The following PRIMPOL variants were observed in gnomAD, a reference collection of about 807,000 sequenced individuals.
The protein encoded by PRIMPOL is primase and DNA directed polymerase, also known as DNA-directed primase/polymerase protein.
Under a neutral mutation model 63.6 loss-of-function variants are expected in PRIMPOL, and 54 were observed. The ratio of observed to expected loss-of-function variants is 0.85; its 90% CI spans 0.68 to 1.07. The LOEUF is 1.07. Among genes scored for constraint, PRIMPOL ranks in the 50% least tolerant of loss-of-function variants. The probability of loss-of-function intolerance (pLI) is 0.00; values close to 1 mark genes in which losing one functional copy is unlikely to be tolerated. For synonymous variants in PRIMPOL, 197 were observed against 220.2 expected, an observed-to-expected ratio of 0.89 and a Z score of 0.93; for missense variants, 610 against 648.3, an observed-to-expected ratio of 0.94 and a Z score of 0.64.
intron 7 of PRIMPOL, among the ~76,000 whole-genome samples, chr4:184,676,090 ATTG>A (rs1202169602): frequency 5.9e-5 from 9 of 152,080 alleles, no homozygotes; most frequent in Non-Finnish European, 1.3e-4. Flanking sequence ...CTAAAAACTT[ATTG>A]TTCTGCCTTT....
intron 3 of PRIMPOL, 27 bp downstream of exon 3, chr4:184,657,347 T>TTCC: frequency 6.7e-7 from 1 of 1,492,848 alleles, no homozygotes; most frequent in Non-Finnish European, 9.2e-7. Context: ...CCTCTTCTTC[T>TTCC]TCCTCCTCTT....
In PRIMPOL at chr4:184,652,425, A is replaced by AT. The variant is rs575200734; in HGVS notation, c.-60+326dup. Among the ~76,000 whole-genome samples, 54 of 151,974 alleles carry AT rather than the reference A, an allele frequency of 3.6e-4. No individual in the cohort carries two copies. In the South Asian group the frequency reaches 0.011, roughly 30 times the overall value. On this transcript the variant is annotated intron_variant, in intron 2 of 13. Coordinates refer to ENST00000314970, the MANE Select transcript of PRIMPOL (RefSeq NM_152683.4). ...GAACTGGAAAAAAAAAAAGCACAAT[A>AT]TATCGCTGTGTGTTTTCTTACTCCT...
chr4:184,690,226 T>A (rs1758129795), intron 11 of PRIMPOL, among the ~76,000 whole-genome samples: 1 of 152,226 alleles, frequency 6.6e-6, no homozygotes, highest in African/African-American at 2.4e-5. Context: ...TAAGTTTGCT[T>A]AGTTTATTTT....
Position 184,680,402 on chromosome 4 carries a change from G to A in PRIMPOL, c.1008-1846G>A, listed in dbSNP as rs79084680. ...GGGGTTTCCCCATGTTGGGGGGGCC[G>A]GTCTCAAACTCCTGACCTCATGTGA... On this transcript the variant is annotated intron_variant, in intron 8 of 13. Coordinates refer to ENST00000314970, the MANE Select transcript of PRIMPOL (RefSeq NM_152683.4). Among the ~76,000 whole-genome samples, 1,141 of 152,192 alleles carry A rather than the reference G, an allele frequency of 7.5e-3. 16 individuals carry two copies. Among genetic ancestry groups the A allele is most frequent in the African/African-American group, 0.026 (1,075 of 41,518 alleles).
rs116445331 is a variant in PRIMPOL at position 184,681,229 on chromosome 4, C to G, written c.1008-1019C>G. On this transcript the variant is annotated intron_variant, in intron 8 of 13. Transcript: ENST00000314970. The stretch of plus-strand genomic sequence containing the variant: ...TTTTAATCTGTTTTTCCCCTTTGCT[C>G]TCACCCCTCCTTCTTTCTTCATTTC... 1.6e-3 allele frequency among the ~76,000 whole-genome samples: 237 copies of G among 152,152 alleles called. 1 individual carries two copies. Among genetic ancestry groups the G allele is most frequent in the African/African-American group, 5.4e-3 (225 of 41,512 alleles).
chr4:184,661,989 G>T (rs1237011376), intron 5 of PRIMPOL, 86 bp downstream of exon 5: 2 of 1,224,146 alleles, frequency 1.6e-6, no homozygotes, highest in South Asian at 1.7e-5. Context: ...CATAATAGTA[G>T]GTTCTGTATC....
intron 2 of PRIMPOL, among the ~76,000 whole-genome samples, chr4:184,655,559 A>T (rs1746158607): frequency 6.6e-6 from 1 of 151,774 alleles, no homozygotes; most frequent in Non-Finnish European, 1.5e-5. Flanking sequence ...TGACCTCATG[A>T]TCCACCCGCC....
chr4:184,662,389 C>T (rs1408777152), intron 5 of PRIMPOL, among the ~76,000 whole-genome samples: 2 of 152,106 alleles, frequency 1.3e-5, no homozygotes, highest in African/African-American at 4.8e-5. Flanking sequence ...GAAACTAATT[C>T]CTATTCAAGG....
chr4:184,655,554 T>C (rs1013176779), intron 2 of PRIMPOL, among the ~76,000 whole-genome samples: 4 of 151,644 alleles, frequency 2.6e-5, no homozygotes, highest in Admixed American at 6.6e-5. Flanking sequence ...ACTCATGACC[T>C]CATGATCCAC....
intron 4 of PRIMPOL, among the ~76,000 whole-genome samples, chr4:184,659,943 C>T (rs1747808194): frequency 6.6e-6 from 1 of 152,144 alleles, no homozygotes; most frequent in South Asian, 2.1e-4. Flanking sequence ...GCCTCAGGCT[C>T]CCGAGTTGCT....
At chr4:184,693,865 T>A (rs1293413037) in intron 13 of PRIMPOL, among the ~76,000 whole-genome samples, 5 of 151,836 alleles carry the variant, frequency 3.3e-5, no homozygotes, top group Non-Finnish European at 5.9e-5. Flanking sequence ...GACAGGGGGG[T>A]ATCATGTTGC....
chr4:184,669,743 C>A (rs72689261), intron 6 of PRIMPOL, among the ~76,000 whole-genome samples: 19,827 of 152,136 alleles, frequency 0.13, 1,383 homozygotes, highest in Middle Eastern at 0.17. Flanking sequence ...GTGCGTGGCT[C>A]ATTTGGGGAC....
In PRIMPOL at chr4:184,678,291, G is replaced by T. The variant is rs969076448; in HGVS notation, c.904G>T (p.Val302Leu). The T allele has an allele frequency of 6.2e-7, 1 of 1,604,850 alleles. No homozygotes were observed. Among genetic ancestry groups the T allele is most frequent in the Non-Finnish European group, 8.5e-7 (1 of 1,176,822 alleles). The change falls in exon 8 of 14, where the codon GTG becomes TTG. Residue 302 changes from valine (V) to leucine (L), a missense_variant. Val to Leu is a conservative substitution (Grantham distance 32, BLOSUM62 1). Coordinates refer to ENST00000314970, the MANE Select transcript of PRIMPOL (RefSeq NM_152683.4). ...TAAATCATCAAAAATTGGAAAGCGT[G>T]TGGCTTTGGAGGTTACTGAAGATAA... ...LYKSSKIGKRVALEVTEDNKF... is the reference protein window; with the variant it reads ...LYKSSKIGKRLALEVTEDNKF...
At chr4:184,673,230 C>T (rs4861630) in intron 7 of PRIMPOL, among the ~76,000 whole-genome samples, 128,249 of 149,872 alleles carry the variant, frequency 0.86, 54,952 homozygotes, top group East Asian at 1. Flanking sequence ...CCCGGGTTCA[C>T]GCCATTCTCC....
At chr4:184,671,917 T>G (rs548464791) in intron 6 of PRIMPOL, among the ~76,000 whole-genome samples, 1 of 152,042 alleles carries the variant, frequency 6.6e-6, no homozygotes, top group South Asian at 2.1e-4. Flanking sequence ...ATTTTTTGTA[T>G]TTTTAGTAGA....
At position 184,665,960 on chromosome 4, in the gene PRIMPOL, C is replaced by T. The variant is rs773763144; in HGVS notation, c.452C>T (p.Ser151Leu). ...ALQELYGVNC[S>L]AEDVLNLDSS... Reference sequence around the variant, plus strand: ...CAAGAGTTATACGGTGTTAATTGCTCAGCTGAAGATGTTTTGAACTTGGAT... The same window carrying T: ...CAAGAGTTATACGGTGTTAATTGCTTAGCTGAAGATGTTTTGAACTTGGAT... The change falls in exon 6 of 14, where the codon TCA becomes TTA. Residue 151 changes from serine to leucine, a missense_variant. Ser to Leu is a moderately radical substitution (Grantham distance 145, BLOSUM62 -2). Coordinates refer to ENST00000314970, the MANE Select transcript of PRIMPOL (RefSeq NM_152683.4). The T allele has an allele frequency of 6.2e-7, 1 of 1,609,444 alleles. No individual in the cohort carries two copies. The highest frequency in any genetic ancestry group is 2.2e-5 in the East Asian group (1 of 44,844).
intron 2 of PRIMPOL, among the ~76,000 whole-genome samples, 162 bp downstream of exon 2, chr4:184,652,262 G>A (rs1049630470): frequency 9.2e-5 from 14 of 152,142 alleles, no homozygotes; most frequent in African/African-American, 2.9e-4. Flanking sequence ...ACTTCGTGAC[G>A]TTAGTTTACC....
chr4:184,690,700 C>T (rs1339330572), intron 11 of PRIMPOL, among the ~76,000 whole-genome samples: 2 of 152,098 alleles, frequency 1.3e-5, no homozygotes. Flanking sequence ...TCGTTGTTTT[C>T]CACGTTAGTC....
chr4:184,650,812 C>G (rs1282326778), intron 1 of PRIMPOL, among the ~76,000 whole-genome samples: 1 of 152,154 alleles, frequency 6.6e-6, no homozygotes, highest in South Asian at 2.1e-4. Flanking sequence ...TGCGCCTATT[C>G]GACTATAGGG....
Sources: gnomAD v4.1 joint callset for allele counts (sites outside exome capture counted in the v4.1 genomes callset) on GRCh38, gnomAD v4.1.1 for gene constraint, MANE v1.5 for transcripts, NCBI Gene and HGNC (gene_info 2026-07-23, HGNC 2026-07-21) for gene names.